UBR3: variants seen among roughly 807,000 people sequenced by gnomAD.
UBR3 encodes ubiquitin protein ligase E3 component n-recognin 3.
UBR3 carries 85 observed loss-of-function variants against 243.2 expected under a neutral mutation model. That is an observed-to-expected ratio of 0.35 (90% CI 0.29 to 0.42). The LOEUF is 0.42. Ranked by LOEUF, UBR3 falls within the 10% of genes least tolerant of loss-of-function variation. The pLI, the probability that UBR3 is intolerant of heterozygous loss-of-function variation, is 1.00. For missense variants in UBR3, 1,686 were observed against 2,300.8 expected (o/e 0.73, Z 5.47); for synonymous variants, 748 against 799.8 (o/e 0.94, Z 1.09).
intron 36 of UBR3, chr2:170,077,448 A>T: frequency 6.8e-7 from 1 of 1,480,402 alleles, no homozygotes; most frequent in East Asian, 2.3e-5. Flanking sequence ...TCAGTTCAGG[A>T]TGTGTTACAT....
Position 169,918,727 on chromosome 2 carries a change from A to G in UBR3, c.1866+4581A>G, listed in dbSNP as rs886935156. ...AGGCCATTTAAGAGTTCTTAAAAAC[A>G]TGAATATCATGTAGGGCAACAATTG... is the stretch of plus-strand genomic sequence containing the variant. On this transcript the variant is annotated intron_variant, in intron 11 of 38. Coordinates refer to ENST00000272793, the MANE Select transcript of UBR3 (RefSeq NM_172070.4). Among the ~76,000 whole-genome samples the G allele has an allele frequency of 4.6e-5, 7 of 152,198 alleles. 1 individual carries two copies. The highest frequency in any genetic ancestry group is 1.4e-4 in the African/African-American group (6 of 41,442).
At chr2:169,890,470 C>G (rs2084284647) in intron 5 of UBR3, among the ~76,000 whole-genome samples, 1 of 148,124 alleles carries the variant, frequency 6.8e-6, no homozygotes, top group South Asian at 2.2e-4. Flanking sequence ...AGTGTCCATC[C>G]CTTACCCTTT....
chr2:169,970,241 T>G (rs1345505885), intron 24 of UBR3, among the ~76,000 whole-genome samples: 15 of 149,966 alleles, frequency 1.0e-4, no homozygotes, highest in African/African-American at 3.4e-4. Context: ...CTAGGTTTTT[T>G]TTTTTTTTTT....
chr2:169,905,875 G>A (rs533478912), intron 9 of UBR3, among the ~76,000 whole-genome samples, 156 bp from the exon 10 acceptor site: 1 of 152,284 alleles, frequency 6.6e-6, no homozygotes. Flanking sequence ...GGACTAGATT[G>A]TTTCATTTTT....
At chr2:169,874,618 C>A (rs1490011655) in intron 2 of UBR3, among the ~76,000 whole-genome samples, 1 of 152,056 alleles carries the variant, frequency 6.6e-6, no homozygotes, top group African/African-American at 2.4e-5. Context: ...TCCAATAATC[C>A]TTATATCTGT....
chr2:170,012,437 TAC>T (rs1199292271), intron 29 of UBR3, among the ~76,000 whole-genome samples: 1 of 152,182 alleles, frequency 6.6e-6, no homozygotes, highest in Non-Finnish European at 1.5e-5. Context: ...TCCATGAATT[TAC>T]AGTTTAGTTG....
At chr2:169,858,069 T>G (rs1225690832) in intron 1 of UBR3, among the ~76,000 whole-genome samples, 1 of 152,204 alleles carries the variant, frequency 6.6e-6, no homozygotes, top group African/African-American at 2.4e-5. Flanking sequence ...CTGAGCAGCT[T>G]AAGACAACAG....
At position 170,037,765 on chromosome 2, in the gene UBR3, T is replaced by C. The variant is rs188200426; in HGVS notation, c.4557-3117T>C. Among the ~76,000 whole-genome samples the C allele has an allele frequency of 1.6e-3, 242 of 152,332 alleles. 1 individual carries two copies. Among genetic ancestry groups the C allele is most frequent in the African/African-American group, 5.4e-3 (225 of 41,588 alleles). On this transcript the variant is annotated intron_variant, in intron 31 of 38. Transcript: ENST00000272793. ...AGTAGTTATCTTTATAATATGCAGT[T>C]TCCTCAACTAGAAATATTCCCCATT...
chr2:169,925,422 A>G (rs1385831331), intron 13 of UBR3, among the ~76,000 whole-genome samples, 197 bp from the exon 14 acceptor site: 2 of 152,226 alleles, frequency 1.3e-5, no homozygotes, highest in African/African-American at 4.8e-5. Flanking sequence ...AAACTCTAAA[A>G]AAGTGGCTAT....
At chr2:169,988,977 C>T (rs2089156670) in intron 25 of UBR3, among the ~76,000 whole-genome samples, 1 of 151,952 alleles carries the variant, frequency 6.6e-6, no homozygotes, top group Non-Finnish European at 1.5e-5. Context: ...TGATTCATTT[C>T]TTCTCTTTTA....
At chr2:169,850,826 A>G (rs1436997579) in intron 1 of UBR3, among the ~76,000 whole-genome samples, 2 of 151,926 alleles carry the variant, frequency 1.3e-5, no homozygotes, top group East Asian at 3.9e-4. Context: ...CCTGGGCGAC[A>G]GAGAGAGACT....
At chr2:170,073,337 G>T in intron 35 of UBR3, 91 bp from the exon 36 acceptor site, 1 of 1,446,198 alleles carries the variant, frequency 6.9e-7, no homozygotes, top group East Asian at 2.3e-5. Context: ...TTTTCTTATT[G>T]TCTCAAAGTA....
chr2:169,992,392 C>T (rs1303249580), intron 25 of UBR3, among the ~76,000 whole-genome samples: 1 of 152,186 alleles, frequency 6.6e-6, no homozygotes, highest in African/African-American at 2.4e-5. Context: ...CACTTCCCAA[C>T]TTATTCAGAG....
rs1249152464 is a variant in UBR3 at position 169,878,610 on chromosome 2, A to T, written c.1038+36A>T. On this transcript the variant is annotated intron_variant, in intron 5 of 38. Transcript: ENST00000272793. ...AAGTTCAAAACTTTTTAAAAAGTAC[A>T]ATTTTGTGCTTTTTTATACTTTTTT... is the stretch of plus-strand genomic sequence containing the variant. 5 of 1,523,970 alleles carry T rather than the reference A, an allele frequency of 3.3e-6. No individual in the cohort carries two copies. The Admixed American group carries it at 1.0e-4, about 31-fold the overall frequency. The allele number at this position is 1,523,970 out of a possible 1,614,324, so 94.4% of individuals were successfully genotyped here.
intron 25 of UBR3, among the ~76,000 whole-genome samples, chr2:169,991,951 G>C (rs1055077364): frequency 6.6e-6 from 1 of 152,148 alleles, no homozygotes; most frequent in Non-Finnish European, 1.5e-5. Flanking sequence ...AAAACACTTT[G>C]AGGTGAAGGA....
In UBR3 at chr2:169,830,571, C is replaced by G. The variant is rs190807859; in HGVS notation, c.545+2519C>G. Reference sequence around the variant, plus strand: ...GCATGCTGGCTCCAGGGCTCTGGAGCCAGACTAATCAACCATTTCTCTTTA... The same window carrying G: ...GCATGCTGGCTCCAGGGCTCTGGAGGCAGACTAATCAACCATTTCTCTTTA... On this transcript the variant is annotated intron_variant, in intron 1 of 38. Transcript: ENST00000272793. Among the ~76,000 whole-genome samples, 14 of 152,170 alleles carry G rather than the reference C, an allele frequency of 9.2e-5. No individual in the cohort carries two copies. In the East Asian group the frequency reaches 2.5e-3, roughly 27 times the overall value.
intron 8 of UBR3, among the ~76,000 whole-genome samples, chr2:169,901,184 G>A (rs1254997312): frequency 6.6e-6 from 1 of 152,022 alleles, no homozygotes; most frequent in African/African-American, 2.4e-5. Context: ...ATATTTTTCT[G>A]AAATCATATT....
intron 1 of UBR3, among the ~76,000 whole-genome samples, chr2:169,870,485 A>C (rs1475992833): frequency 1.3e-5 from 2 of 151,830 alleles, no homozygotes; most frequent in Non-Finnish European, 2.9e-5. Context: ...AAATAATTTT[A>C]TACTGTGCTT....
chr2:169,840,328 TTTC>T (rs1240097012), intron 1 of UBR3, among the ~76,000 whole-genome samples: 1 of 152,174 alleles, frequency 6.6e-6, no homozygotes, highest in Non-Finnish European at 1.5e-5. Flanking sequence ...AGAGAAGTTA[TTTC>T]CTTGAAATGC....
Sources: allele counts gnomAD v4.1 joint callset (sites outside exome capture counted in the v4.1 genomes callset), GRCh38; gene constraint gnomAD v4.1.1; transcripts MANE v1.5; gene names NCBI Gene and HGNC (gene_info 2026-07-23, HGNC 2026-07-21).